Variants in JMJD1C observed in about 807,000 individuals in gnomAD.
JMJD1C encodes the protein jumonji domain-containing protein 1C.
JMJD1C carries 31 observed loss-of-function variants against 245.3 expected under a neutral mutation model. The observed-to-expected ratio is 0.13, with a 90% confidence interval of 0.09 to 0.17. The LOEUF (loss-of-function observed/expected upper bound fraction) is 0.17. Among genes scored for constraint, JMJD1C ranks in the 10% least tolerant of loss-of-function variants. The probability of loss-of-function intolerance (pLI) is 1.00; values close to 1 mark genes in which losing one functional copy is unlikely to be tolerated. For missense variants in JMJD1C, 2,691 were observed against 3,000.2 expected, an observed-to-expected ratio of 0.90 and a Z score of 2.41; for synonymous variants, 1,057 against 1,017.4, an observed-to-expected ratio of 1.04 and a Z score of -0.74.
intron 2 of JMJD1C, among the ~76,000 whole-genome samples, chr10:63,326,038 T>C (rs1941454902): frequency 6.6e-6 from 1 of 152,210 alleles, no homozygotes. Flanking sequence ...GTGAGCATAA[T>C]ATATTTTAGT....
chr10:63,456,124 C>T (rs1952395482), intron 1 of JMJD1C, among the ~76,000 whole-genome samples: 1 of 151,970 alleles, frequency 6.6e-6, no homozygotes, highest in Admixed American at 6.6e-5. Context: ...TCTCTTAATT[C>T]ACATGAACAA....
intron 1 of JMJD1C, among the ~76,000 whole-genome samples, chr10:63,427,132 G>A (rs528966276): frequency 1.1e-4 from 17 of 152,194 alleles, no homozygotes; most frequent in Middle Eastern, 3.4e-3. Flanking sequence ...TTAAGACAGC[G>A]GACAACTCAT....
intron 2 of JMJD1C, among the ~76,000 whole-genome samples, chr10:63,352,745 CAA>C (rs1318228012): frequency 6.6e-6 from 1 of 151,330 alleles, no homozygotes; most frequent in Admixed American, 6.6e-5. Flanking sequence ...GACCGCTGAA[CAA>C]GAGAGGTTTG....
intron 3 of JMJD1C, among the ~76,000 whole-genome samples, chr10:63,237,387 T>C (rs1477357216): frequency 6.6e-6 from 1 of 152,184 alleles, no homozygotes; most frequent in East Asian, 1.9e-4. Context: ...TGAATGTAAC[T>C]TCCAAATTAA....
At position 63,214,705 on chromosome 10, in the gene JMJD1C, T is replaced by C. The variant is rs1376419990; in HGVS notation, c.1462A>G (p.Thr488Ala). ...TTTGGTAGCAATTCCATGGTATGTG[T>C]TTTATCCATATTGCATTCCTGAGGA... is the stretch of plus-strand genomic sequence containing the variant. ...LLPQECNMDK[T>A]HTMELLPKEK... The change falls in exon 8 of 26, where the codon ACA (threonine) becomes GCA (alanine). Residue 488 changes from threonine (T) to alanine (A), a missense_variant. By Grantham distance (58) the Thr-to-Ala change is moderately conservative. Around this residue, in one of 9 missense-constraint regions of JMJD1C, gnomAD observed 1,562 missense variants for 1,490.7 expected, o/e 1.05. Transcript: ENST00000399262. 2 of 1,613,976 alleles carry C rather than the reference T, an allele frequency of 1.2e-6. No individual in the cohort carries two copies. The highest frequency in any genetic ancestry group is 8.5e-7 in the Non-Finnish European group (1 of 1,179,908).
At chr10:63,189,735 T>C (rs1844538832) in intron 17 of JMJD1C, among the ~76,000 whole-genome samples, 1 of 152,054 alleles carries the variant, frequency 6.6e-6, no homozygotes, top group Non-Finnish European at 1.5e-5. Flanking sequence ...TTTTTTAAAA[T>C]TTTTAAATAT....
intron 1 of JMJD1C, among the ~76,000 whole-genome samples, chr10:63,397,751 C>G (rs1384252113): frequency 1.3e-5 from 2 of 152,132 alleles, no homozygotes; most frequent in Admixed American, 6.6e-5. Flanking sequence ...CCAAGCTGGT[C>G]TTCAACTCTG....
At chr10:63,520,143 G>A (rs574042060) in intron 1 of JMJD1C, among the ~76,000 whole-genome samples, 1 of 152,278 alleles carries the variant, frequency 6.6e-6, no homozygotes, top group Non-Finnish European at 1.5e-5. Context: ...TTTATTGACT[G>A]AGAACTGAAA....
intron 1 of JMJD1C, chr10:63,465,122 A>G (rs762449978): frequency 7.3e-6 from 2 of 273,380 alleles, no homozygotes; most frequent in Non-Finnish European, 6.9e-6. Context: ...GCCTGTCGCC[A>G]TGAGTGGTCC....
chr10:63,483,364 A>G (rs1236326239), intron 1 of JMJD1C, among the ~76,000 whole-genome samples: 2 of 152,222 alleles, frequency 1.3e-5, no homozygotes, highest in Non-Finnish European at 2.9e-5. Flanking sequence ...AGAAAGTCTT[A>G]GCCTTCGCAC....
chr10:63,341,623 A>G (rs2134231787), intron 2 of JMJD1C, among the ~76,000 whole-genome samples: 1 of 152,322 alleles, frequency 6.6e-6, no homozygotes, highest in South Asian at 2.1e-4. Flanking sequence ...GCTCATGTTC[A>G]CTGCAGAGAA....
At chr10:63,521,853 G>A (rs1311663037), upstream of JMJD1C, 2 of 116,862 alleles carry the variant, frequency 1.7e-5, no homozygotes, top group Non-Finnish European at 3.6e-5. Context: ...GTGCGGCGCG[G>A]CGCCCCTGCT....
intron 18 of JMJD1C, among the ~76,000 whole-genome samples, chr10:63,187,318 A>AT (rs1844245617): frequency 6.6e-6 from 1 of 152,218 alleles, no homozygotes; most frequent in South Asian, 2.1e-4. Flanking sequence ...CTATCCAATA[A>AT]TATTGCTGCT....
At chr10:63,424,497 C>T (rs200274745) in intron 1 of JMJD1C, among the ~76,000 whole-genome samples, 76 of 103,242 alleles carry the variant, frequency 7.4e-4, no homozygotes, top group East Asian at 2.0e-3. Flanking sequence ...ATTATTATTT[C>T]TTTTTTTTTT....
intron 2 of JMJD1C, among the ~76,000 whole-genome samples, chr10:63,271,338 G>A (rs968228490): frequency 2.6e-5 from 4 of 151,576 alleles, no homozygotes; most frequent in African/African-American, 9.7e-5. Flanking sequence ...CACCGTGCCC[G>A]GCTAATTTTT....
chr10:63,233,444 AC>A (rs1850261526), intron 3 of JMJD1C, among the ~76,000 whole-genome samples: 1 of 152,154 alleles, frequency 6.6e-6, no homozygotes, highest in Non-Finnish European at 1.5e-5. Context: ...ACCCAAAAAA[AC>A]AAATCTCAAA....
intron 1 of JMJD1C, among the ~76,000 whole-genome samples, chr10:63,405,109 A>G (rs1171581278): frequency 6.6e-6 from 1 of 152,210 alleles, no homozygotes; most frequent in African/African-American, 2.4e-5. Flanking sequence ...TTTAAATTTA[A>G]GAAGTTTATA....
At chr10:63,332,833 T>C (rs1412047505) in intron 2 of JMJD1C, among the ~76,000 whole-genome samples, 1 of 152,190 alleles carries the variant, frequency 6.6e-6, no homozygotes, top group Non-Finnish European at 1.5e-5. Context: ...CTGTATGAGG[T>C]AGAGATTTTT....
intron 1 of JMJD1C, among the ~76,000 whole-genome samples, chr10:63,454,765 T>C (rs1249835790): frequency 6.6e-6 from 1 of 152,208 alleles, no homozygotes. Flanking sequence ...CACACATTAG[T>C]GGCTACCATA....
Sources: gnomAD v4.1 joint callset for allele counts (sites outside exome capture counted in the v4.1 genomes callset) on GRCh38, gnomAD v4.1.1 for gene constraint, gnomAD v4.1.1 regional missense constraint, MANE v1.5 for transcripts, NCBI Gene and HGNC (gene_info 2026-07-23, HGNC 2026-07-21) for gene names.